The following ELOC variants were observed in gnomAD, a reference collection of about 807,000 sequenced individuals.
ELOC encodes elongin C, also known as elongin-C.
For missense variants in ELOC, 38 were observed against 139.0 expected (o/e 0.27, Z 3.65); for synonymous variants, 40 against 51.3 (o/e 0.78, Z 0.94).
At chr8:73,969,916 G>A (rs1386748836) in intron 1 of ELOC, among the ~76,000 whole-genome samples, 3 of 152,182 alleles carry the variant, frequency 2.0e-5, no homozygotes, top group Non-Finnish European at 4.4e-5. Flanking sequence ...ATTACTGGAT[G>A]GGCTTTTTCT....
chr8:73,968,063 T>C (rs986782122), intron 1 of ELOC, among the ~76,000 whole-genome samples: 1 of 152,194 alleles, frequency 6.6e-6, no homozygotes, highest in Non-Finnish European at 1.5e-5. Context: ...TCATCTCTTA[T>C]CATAAATTAA....
chr8:73,967,093 T>C (rs973976515), intron 1 of ELOC, among the ~76,000 whole-genome samples: 5 of 152,174 alleles, frequency 3.3e-5, no homozygotes, highest in African/African-American at 1.2e-4. Flanking sequence ...GAATACTGCC[T>C]AGCACACATT....
At position 73,970,236 on chromosome 8, in the gene ELOC, A is replaced by G. The variant is rs188267916; in HGVS notation, c.-51+1841T>C. Among the ~76,000 whole-genome samples the G allele has an allele frequency of 2.3e-4, 35 of 152,310 alleles. No homozygotes were observed. In the East Asian group the frequency reaches 6.8e-3, roughly 29 times the overall value. ...CAGCCTGGGAGTGCAGAACAGAGTGAGACTCTGACTCAAAAATAAATATGA... is the reference window on the plus strand; with the variant it reads ...CAGCCTGGGAGTGCAGAACAGAGTGGGACTCTGACTCAAAAATAAATATGA... On this transcript the variant is annotated intron_variant, in intron 1 of 3. Coordinates refer to ENST00000520242, the MANE Select transcript of ELOC (RefSeq NM_005648.4).
chr8:73,970,776 T>C (rs1056975964), intron 1 of ELOC: 2 of 151,390 alleles, frequency 1.3e-5, no homozygotes, highest in Admixed American at 6.6e-5. Flanking sequence ...ATCGTAGCTC[T>C]TTGGGAGGTG....
intron 3 of ELOC, among the ~76,000 whole-genome samples, chr8:73,950,685 C>G (rs942059627): frequency 6.6e-6 from 1 of 152,146 alleles, no homozygotes; most frequent in African/African-American, 2.4e-5. Context: ...CATGATAGAA[C>G]AGGAATACAA....
chr8:73,958,092 G>T (rs952436240), intron 2 of ELOC, among the ~76,000 whole-genome samples: 12 of 134,100 alleles, frequency 8.9e-5, no homozygotes, highest in Non-Finnish European at 1.1e-4. Flanking sequence ...TTTATTTATG[G>T]TTTTTTTTTT....
chr8:73,959,790 T>G lies in ELOC; in HGVS notation c.-22A>C. On this transcript the variant is annotated 5_prime_UTR_variant, in exon 2 of 4. Transcript: ENST00000520242. Reference sequence around the variant, plus strand: ...CCATTTTGTTCTTATGAAATTCTACTTTGCTTCCCCAGGAACTTTAGTAGT... The same window carrying G: ...CCATTTTGTTCTTATGAAATTCTACGTTGCTTCCCCAGGAACTTTAGTAGT... The G allele has an allele frequency of 6.4e-7, 1 of 1,553,450 alleles. No homozygotes were observed. Among genetic ancestry groups the G allele is most frequent in the East Asian group, 2.4e-5 (1 of 42,128 alleles).
intron 3 of ELOC, 192 bp downstream of exon 3, chr8:73,955,719 C>A (rs576841713): frequency 3.1e-6 from 2 of 641,794 alleles, no homozygotes; most frequent in Admixed American, 2.9e-5. Context: ...GAGCTGAGAC[C>A]GCACCATTGC....
chr8:73,951,747 A>G (rs1341092682), intron 3 of ELOC, among the ~76,000 whole-genome samples: 1 of 152,238 alleles, frequency 6.6e-6, no homozygotes, highest in Non-Finnish European at 1.5e-5. Context: ...TTGAAACAGA[A>G]AAACAAAGTT....
chr8:73,950,314 T>C (rs973121240), intron 3 of ELOC, among the ~76,000 whole-genome samples: 35 of 152,068 alleles, frequency 2.3e-4, no homozygotes, highest in African/African-American at 7.7e-4. Flanking sequence ...AAACATGAAA[T>C]ATAGTCATGA....
At chr8:73,965,079 A>AAAAAAATG (rs138553958) in intron 1 of ELOC, among the ~76,000 whole-genome samples, 2,017 of 151,106 alleles carry the variant, frequency 0.013, 23 homozygotes, top group Non-Finnish European at 0.023. Context: ...AAGAAAAATG[A>AAAAAAATG]AAAAAATGAA....
At chr8:73,956,797 A>G (rs1014639391) in intron 2 of ELOC, among the ~76,000 whole-genome samples, 1 of 152,234 alleles carries the variant, frequency 6.6e-6, no homozygotes, top group African/African-American at 2.4e-5. Flanking sequence ...CCTAAGTTCT[A>G]AAAGTTAAGA....
intron 3 of ELOC, among the ~76,000 whole-genome samples, chr8:73,953,816 T>C (rs992853546): frequency 4.6e-5 from 7 of 152,104 alleles, no homozygotes; most frequent in African/African-American, 7.2e-5. Flanking sequence ...AATTGTCATA[T>C]GATCAAGCAA....
At chr8:73,964,321 T>C (rs1814825021) in intron 1 of ELOC, among the ~76,000 whole-genome samples, 2 of 149,610 alleles carry the variant, frequency 1.3e-5, no homozygotes, top group Non-Finnish European at 3.0e-5. Context: ...GGTCAAAGCG[T>C]ATGGTGAGAA....
intron 3 of ELOC, among the ~76,000 whole-genome samples, chr8:73,953,543 C>T (rs1475629520): frequency 6.6e-6 from 1 of 151,626 alleles, no homozygotes; most frequent in Non-Finnish European, 1.5e-5. Flanking sequence ...GGCGTGGGGG[C>T]GCATGCCTGT....
chr8:73,970,851 C>T (rs1377371739), intron 1 of ELOC, among the ~76,000 whole-genome samples: 3 of 138,552 alleles, frequency 2.2e-5, no homozygotes, highest in East Asian at 2.0e-4. Context: ...CCCATCTCTA[C>T]TAAAAAACAA....
At chr8:73,953,711 G>GTA (rs982920061) in intron 3 of ELOC, among the ~76,000 whole-genome samples, 2 of 151,562 alleles carry the variant, frequency 1.3e-5, no homozygotes, top group Non-Finnish European at 2.9e-5. Context: ...TGGCCAAGAT[G>GTA]TATACAAACT....
intron 2 of ELOC, among the ~76,000 whole-genome samples, chr8:73,957,301 A>T (rs1489356806): frequency 1.3e-5 from 2 of 152,158 alleles, no homozygotes; most frequent in Non-Finnish European, 2.9e-5. Flanking sequence ...GAGTGCACAG[A>T]TGTTACTCTG....
chr8:73,960,820 A>G (rs1240150615), intron 1 of ELOC, among the ~76,000 whole-genome samples: 1 of 152,126 alleles, frequency 6.6e-6, no homozygotes, highest in Non-Finnish European at 1.5e-5. Flanking sequence ...CATGAGAATA[A>G]AAAAGACAGG....
Sources: allele counts gnomAD v4.1 joint callset (sites outside exome capture counted in the v4.1 genomes callset), GRCh38; gene constraint gnomAD v4.1.1; transcripts MANE v1.5; gene names NCBI Gene and HGNC (gene_info 2026-07-23, HGNC 2026-07-21).